NXPH1: variants seen among roughly 807,000 people sequenced by gnomAD.
NXPH1 encodes neurexophilin-1.
Under a neutral mutation model 23.7 loss-of-function variants are expected in NXPH1, and 5 were observed. That is an observed-to-expected ratio of 0.21 (90% CI 0.11 to 0.44). The LOEUF (loss-of-function observed/expected upper bound fraction) is 0.44, where lower values mean the gene tolerates loss of function less well. NXPH1 is among the 20% of genes least tolerant of loss of function. The pLI is 0.99. For missense variants in NXPH1, 324 were observed against 321.6 expected (o/e 1.01, Z -0.06); for synonymous variants, 144 against 122.2 (o/e 1.18, Z -1.18).
chr7:8,686,214 C>T (rs1223549918), intron 2 of NXPH1, among the ~76,000 whole-genome samples: 1 of 152,082 alleles, frequency 6.6e-6, no homozygotes. Context: ...TATTTTATAC[C>T]TACAAGATTC....
rs542982788 is a variant in NXPH1, at chr7:8,442,442, C to A, written c.54+6675C>A. Among the ~76,000 whole-genome samples, 9 of 152,322 alleles carry A rather than the reference C, an allele frequency of 5.9e-5. No homozygotes were observed. The highest frequency in any genetic ancestry group is 2.2e-4 in the African/African-American group (9 of 41,582). On this transcript the variant is annotated intron_variant, in intron 2 of 2. Transcript: ENST00000405863. The surrounding 1 kb of genome is among the most constrained non-coding windows in gnomAD (Gnocchi z 4.6). ...TTCTGAAGCGAAGGATCCTAGCTGC[C>A]GCGGCTAAGGGCGCAGGGGGAGGCC... is the stretch of plus-strand genomic sequence containing the variant.
chr7:8,565,906 C>T (rs1818537287), intron 2 of NXPH1, among the ~76,000 whole-genome samples: 1 of 151,812 alleles, frequency 6.6e-6, no homozygotes, highest in South Asian at 2.1e-4. Flanking sequence ...TATTCTCCCA[C>T]AAACCTCACT....
At chr7:8,671,269 A>T (rs1421116338) in intron 2 of NXPH1, among the ~76,000 whole-genome samples, 1 of 152,222 alleles carries the variant, frequency 6.6e-6, no homozygotes, top group Non-Finnish European at 1.5e-5. Flanking sequence ...AGAAGAACAT[A>T]TGTTTGACTA....
At chr7:8,565,282 G>A (rs113459396) in intron 2 of NXPH1, among the ~76,000 whole-genome samples, 1 of 151,728 alleles carries the variant, frequency 6.6e-6, no homozygotes, top group Non-Finnish European at 1.5e-5. Flanking sequence ...TTTCTCTCAA[G>A]AGTATTTACC....
intron 2 of NXPH1, among the ~76,000 whole-genome samples, chr7:8,670,017 G>T (rs1820842833): frequency 6.6e-6 from 1 of 152,148 alleles, no homozygotes; most frequent in South Asian, 2.1e-4. Context: ...GTCTTCAGTT[G>T]TTAAGGATTT....
chr7:8,710,036 G>T (rs760636681), intron 2 of NXPH1, among the ~76,000 whole-genome samples: 8 of 152,114 alleles, frequency 5.3e-5, no homozygotes, highest in Non-Finnish European at 8.8e-5. Context: ...ATCACTGCAG[G>T]GGTCAGAAAA....
At chr7:8,622,136 T>C (rs951574270) in intron 2 of NXPH1, among the ~76,000 whole-genome samples, 5 of 152,212 alleles carry the variant, frequency 3.3e-5, no homozygotes, top group Non-Finnish European at 1.5e-5. Flanking sequence ...ATGAAATTCA[T>C]TGTTATTTAT....
intron 2 of NXPH1, among the ~76,000 whole-genome samples, chr7:8,449,416 T>C (rs1816465084): frequency 6.6e-6 from 1 of 152,236 alleles, no homozygotes; most frequent in Non-Finnish European, 1.5e-5. Context: ...TTTCTGTTTA[T>C]ATTTTGAGGC....
chr7:8,436,518 A>G (rs1350400338), intron 2 of NXPH1, among the ~76,000 whole-genome samples: 2 of 152,124 alleles, frequency 1.3e-5, no homozygotes, highest in Admixed American at 6.5e-5. Flanking sequence ...GACTTTGTAC[A>G]CTGCTGGAAC....
chr7:8,608,726 A>G (rs1176504934), intron 2 of NXPH1, among the ~76,000 whole-genome samples: 1 of 152,120 alleles, frequency 6.6e-6, no homozygotes, highest in Non-Finnish European at 1.5e-5. Flanking sequence ...AAATACCACC[A>G]CAAACTTCAC....
intron 2 of NXPH1, among the ~76,000 whole-genome samples, chr7:8,453,948 A>T (rs796445217): frequency 1.3e-5 from 2 of 152,266 alleles, no homozygotes; most frequent in African/African-American, 4.8e-5. Flanking sequence ...CAGCAATGAC[A>T]TTGCTGGGTT....
chr7:8,484,848 A>T (rs192078896), intron 2 of NXPH1, among the ~76,000 whole-genome samples: 1 of 152,176 alleles, frequency 6.6e-6, no homozygotes, highest in Non-Finnish European at 1.5e-5. Flanking sequence ...CTGTTATTCT[A>T]TACTCTATTT....
chr7:8,595,877 C>A (rs924432186), intron 2 of NXPH1, among the ~76,000 whole-genome samples: 2 of 151,944 alleles, frequency 1.3e-5, no homozygotes, highest in African/African-American at 4.8e-5. Context: ...CTCGGTTTTA[C>A]AGCCTGTTCT....
At chr7:8,666,356 G>T (rs933862095) in intron 2 of NXPH1, among the ~76,000 whole-genome samples, 1 of 151,980 alleles carries the variant, frequency 6.6e-6, no homozygotes, top group Non-Finnish European at 1.5e-5. Context: ...ATAGACTTGT[G>T]TATGTTGAAA....
chr7:8,473,737 GT>G (rs558654748), intron 2 of NXPH1, among the ~76,000 whole-genome samples: 188 of 144,624 alleles, frequency 1.3e-3, no homozygotes, highest in African/African-American at 1.5e-3. Context: ...TGCTGTGTGT[GT>G]TTTTTTTTTT....
chr7:8,626,191 G>GAA (rs112831192), intron 2 of NXPH1, among the ~76,000 whole-genome samples: 5,876 of 146,400 alleles, frequency 0.04, 266 homozygotes, highest in East Asian at 0.17. Context: ...AGTCAATTCT[G>GAA]AAAAAAAAAA....
At position 8,711,199 on chromosome 7, in the gene NXPH1, A is replaced by G. The variant is rs566320858; in HGVS notation, c.55-39809A>G. Among the ~76,000 whole-genome samples the G allele has an allele frequency of 2.7e-4, 41 of 152,284 alleles. No individual in the cohort carries two copies. In the South Asian group the frequency reaches 8.1e-3, roughly 30 times the overall value. ...TCAATACACCTGGAGAAGAAAACAA[A>G]GACTTTACGGACATACTTATTTTTT... On this transcript the variant is annotated intron_variant, in intron 2 of 2. Transcript: ENST00000405863.
At chr7:8,514,257 A>G (rs993762907) in intron 2 of NXPH1, among the ~76,000 whole-genome samples, 5 of 152,168 alleles carry the variant, frequency 3.3e-5, no homozygotes, top group Admixed American at 2.6e-4. Flanking sequence ...TTATATTAGT[A>G]GGCTGAAGCT....
chr7:8,551,317 G>A (rs1818272170), intron 2 of NXPH1, among the ~76,000 whole-genome samples: 1 of 151,448 alleles, frequency 6.6e-6, no homozygotes, highest in African/African-American at 2.4e-5. Flanking sequence ...TGTATGTTGT[G>A]ATCAAAATGA....
Sources: gnomAD v4.1 joint callset for allele counts (sites outside exome capture counted in the v4.1 genomes callset) on GRCh38, gnomAD v4.1.1 for gene constraint, Gnocchi (gnomAD v3.1) non-coding constraint, MANE v1.5 for transcripts, NCBI Gene and HGNC (gene_info 2026-07-23, HGNC 2026-07-21) for gene names.